The following PRMT2 variants were observed in gnomAD, a reference collection of about 807,000 sequenced individuals.
PRMT2 encodes protein arginine methyltransferase 2.
Under a neutral mutation model 57.6 loss-of-function variants are expected in PRMT2, and 26 were observed. The observed-to-expected ratio is 0.45, with a 90% CI of 0.33 to 0.63. PRMT2 has a LOEUF of 0.63. Among genes scored for constraint, PRMT2 ranks in the 20% least tolerant of loss-of-function variants. The pLI is 0.02. For synonymous variants in PRMT2, 219 were observed against 220.0 expected (o/e 1.00, Z 0.04); for missense variants, 472 against 564.4 (o/e 0.84, Z 1.66).
At chr21:46,660,227 G>T in intron 8 of PRMT2, 1 of 935,932 alleles carries the variant, frequency 1.1e-6, no homozygotes, top group Non-Finnish European at 1.3e-6. Context: ...TGCAGCCAGT[G>T]ATGGGGGTTG....
chr21:46,661,285 T>C (rs1230328273), intron 9 of PRMT2: 1 of 198,098 alleles, frequency 5.0e-6, no homozygotes, highest in Non-Finnish European at 1.0e-5. Flanking sequence ...GGTATTTGCA[T>C]TACAGTTTTT....
At chr21:46,642,861 A>G (rs1445034682) in intron 3 of PRMT2, among the ~76,000 whole-genome samples, 1 of 152,104 alleles carries the variant, frequency 6.6e-6, no homozygotes, top group Non-Finnish European at 1.5e-5. Context: ...CATCTCTACT[A>G]AAAATACAAA....
In PRMT2 at chr21:46,648,262, T is replaced by C. The variant is rs1055374271; in HGVS notation, c.328-196T>C. The C allele has an allele frequency of 1.8e-6, 1 of 552,662 alleles. No individual in the cohort carries two copies. Among genetic ancestry groups the C allele is most frequent in the East Asian group, 2.8e-5 (1 of 35,138 alleles). The allele number at this position is 552,662 out of a possible 1,614,324, so 34.2% of individuals were successfully genotyped here. A position where few individuals can be genotyped will look rare whatever the true frequency, so the allele number is the denominator to read the frequency against. ...TATTTTTTGTGTATTATTACTGTTA[T>C]AAGGGGGTGGGTGAAGTGTTCTCTA... On this transcript the variant is annotated intron_variant, in intron 5 of 11. Transcript: ENST00000355680. The surrounding 1 kb of genome is among the most constrained non-coding windows in gnomAD (Gnocchi z 4.8).
At chr21:46,653,841 C>A in intron 7 of PRMT2, 1 of 1,029,412 alleles carries the variant, frequency 9.7e-7, no homozygotes, top group Non-Finnish European at 1.2e-6. Context: ...TATGGCTACA[C>A]TTAGACATCT....
rs1008170206 is a variant in PRMT2, at chr21:46,664,754, G to A, written c.*427G>A. 3 of 234,740 alleles carry A rather than the reference G, an allele frequency of 1.3e-5. No individual in the cohort carries two copies. The highest frequency in any genetic ancestry group is 8.7e-5 in the East Asian group (1 of 11,552). The allele number at this position is 234,740 out of a possible 1,614,324, so 14.5% of individuals were successfully genotyped here. A position where few individuals can be genotyped will look rare whatever the true frequency, so the allele number is the denominator to read the frequency against. ...CCTTACTGCCGTCGCTCATCCACTC[G>A]TGTGGGACGTAGGATTGCACAGGGC... On this transcript the variant is annotated 3_prime_UTR_variant, in exon 12 of 12. Coordinates refer to ENST00000355680, the MANE Select transcript of PRMT2 (RefSeq NM_206962.4).
At chr21:46,651,902 T>C in intron 7 of PRMT2, 1 of 1,613,100 alleles carries the variant, frequency 6.2e-7, no homozygotes. Context: ...CCCCTGCACC[T>C]GTGCGTCTGT....
Position 46,640,267 on chromosome 21 carries a change from AAT to A in PRMT2, c.40-3266_40-3265del, listed in dbSNP as rs137978905. On this transcript the variant is annotated intron_variant, in intron 3 of 11. Coordinates refer to ENST00000355680, the MANE Select transcript of PRMT2 (RefSeq NM_206962.4). ...GAGTCTTTTTTTATGAAGTAAAATA[AAT>A]AGTCTTTTTTATGTTTCCCCACATA... is the stretch of plus-strand genomic sequence containing the variant. Among the ~76,000 whole-genome samples, 337 of 152,236 alleles carry A rather than the reference AAT, an allele frequency of 2.2e-3. 1 individual carries two copies. The highest frequency in any genetic ancestry group is 7.9e-3 in the African/African-American group (329 of 41,548).
At chr21:46,653,756 T>G (rs1193647619) in intron 7 of PRMT2, 1 of 1,175,518 alleles carries the variant, frequency 8.5e-7, no homozygotes, top group African/African-American at 1.7e-5. Context: ...TTCCTTGGTT[T>G]TAAAGCTTGC....
At chr21:46,638,662 G>C (rs56676316) in intron 3 of PRMT2, among the ~76,000 whole-genome samples, 1,712 of 152,234 alleles carry the variant, frequency 0.011, 19 homozygotes, top group African/African-American at 0.039. Context: ...GGTTAGAAAT[G>C]GTATTTTGTT....
At chr21:46,659,325 A>G (rs2061586457) in intron 8 of PRMT2, 3 of 991,638 alleles carry the variant, frequency 3.0e-6, no homozygotes, top group South Asian at 9.2e-5. Flanking sequence ...AGGTGGAGAA[A>G]TGAGCAGCAA....
intron 7 of PRMT2, chr21:46,657,820 G>A (rs1363341215): frequency 1.3e-5 from 2 of 152,172 alleles, no homozygotes; most frequent in African/African-American, 4.8e-5. Context: ...AAATAAGATT[G>A]AAAAATAAGA....
chr21:46,636,905 AGAAAAT>A lies in PRMT2; in HGVS notation c.-42_-37del, dbSNP rs2061181933. 6.3e-7 allele frequency: 1 copy of A among 1,586,958 alleles called. No individual in the cohort carries two copies. The highest frequency in any genetic ancestry group is 8.6e-7 in the Non-Finnish European group (1 of 1,164,596). On this transcript the variant is annotated 5_prime_UTR_variant, in exon 3 of 12. An upstream start codon of the reference 5' UTR is lost. Transcript: ENST00000355680. ...CTCTTTTTAAAAGTAGAAATGGAAAAGAAAATGAAATAAATCAGCAGTTATGAGGCA... is the reference window on the plus strand; with the variant it reads ...CTCTTTTTAAAAGTAGAAATGGAAAAGAAATAAATCAGCAGTTATGAGGCA...
intron 3 of PRMT2, 135 bp from the exon 4 acceptor site, chr21:46,643,399 TC>T: frequency 7.8e-7 from 1 of 1,288,106 alleles, no homozygotes; most frequent in Non-Finnish European, 9.9e-7. Context: ...GTAAAGATGA[TC>T]CAAATAGTTT....
chr21:46,661,599 C>G (rs1249446797), intron 9 of PRMT2: 2 of 420,234 alleles, frequency 4.8e-6, no homozygotes, highest in African/African-American at 2.1e-5. Flanking sequence ...GCGCAAGAAG[C>G]TCAGATGCTT....
At chr21:46,664,215 A>G (rs2061670705) in intron 11 of PRMT2, 80 bp from the exon 12 acceptor site, 1 of 1,262,320 alleles carries the variant, frequency 7.9e-7, no homozygotes, top group Non-Finnish European at 1.2e-6. Context: ...CTCTTGTCCA[A>G]TATTAAACCA....
At chr21:46,654,244 C>A in intron 7 of PRMT2, 1 of 502,672 alleles carries the variant, frequency 2.0e-6, no homozygotes, top group Non-Finnish European at 2.6e-6. Flanking sequence ...AGAATTGTAG[C>A]AATACATATG....
chr21:46,652,212 G>A, intron 7 of PRMT2: 1 of 1,378,732 alleles, frequency 7.3e-7, no homozygotes, highest in Non-Finnish European at 9.4e-7. Context: ...TTAAGAAAAG[G>A]AGGAAACAAA....
intron 3 of PRMT2, among the ~76,000 whole-genome samples, chr21:46,637,981 G>A (rs1455154253): frequency 6.6e-6 from 1 of 151,992 alleles, no homozygotes; most frequent in Non-Finnish European, 1.5e-5. Context: ...AAGAAAAAGC[G>A]ACACTCTAGA....
At chr21:46,654,426 C>T (rs2061510493) in intron 7 of PRMT2, among the ~76,000 whole-genome samples, 2 of 152,048 alleles carry the variant, frequency 1.3e-5, no homozygotes, top group Admixed American at 1.3e-4. Flanking sequence ...ATGGAGAAGG[C>T]ATACTCCTTT....
Sources: gnomAD v4.1 joint callset for allele counts (sites outside exome capture counted in the v4.1 genomes callset) on GRCh38, gnomAD v4.1.1 for gene constraint, Gnocchi (gnomAD v3.1) non-coding constraint, MANE v1.5 for transcripts, NCBI Gene and HGNC (gene_info 2026-07-23, HGNC 2026-07-21) for gene names.